The following VPS13C variants were observed in gnomAD, a reference collection of about 807,000 sequenced individuals.
VPS13C encodes the protein intermembrane lipid transfer protein VPS13C.
Under a neutral mutation model 456.8 loss-of-function variants are expected in VPS13C, and 358 were observed. The ratio of observed to expected loss-of-function variants is 0.78; its 90% CI spans 0.72 to 0.86. VPS13C has a LOEUF of 0.86. VPS13C is among the 40% of genes least tolerant of loss of function. VPS13C has a pLI of 0.00. For missense variants in VPS13C, 4,818 were observed against 4,385.4 expected (o/e 1.10, Z -2.79); for synonymous variants, 1,578 against 1,486.7 (o/e 1.06, Z -1.41).
At chr15:61,921,898 G>C in intron 55 of VPS13C, 49 bp downstream of exon 55, 1 of 1,553,094 alleles carries the variant, frequency 6.4e-7, no homozygotes. Flanking sequence ...AACTATGAAT[G>C]AATATGCATA....
intron 67 of VPS13C, among the ~76,000 whole-genome samples, chr15:61,887,579 T>C (rs1896360908): frequency 6.6e-6 from 1 of 152,134 alleles, no homozygotes; most frequent in African/African-American, 2.4e-5. Flanking sequence ...TAGTCCCAGA[T>C]ACTCAGGAGG....
chr15:61,936,403 CCAA>C (rs1346229848), intron 48 of VPS13C, among the ~76,000 whole-genome samples, 191 bp downstream of exon 48: 2 of 152,160 alleles, frequency 1.3e-5, no homozygotes, highest in East Asian at 1.9e-4. Context: ...AAGCACCATG[CCAA>C]CAACAAGTGA....
intron 19 of VPS13C, among the ~76,000 whole-genome samples, chr15:61,984,582 C>T (rs1206456283): frequency 6.6e-6 from 1 of 152,134 alleles, no homozygotes; most frequent in Non-Finnish European, 1.5e-5. Flanking sequence ...CAAAAACTTA[C>T]TGTACTTGTC....
At chr15:61,882,859 A>G (rs1403850933) in intron 68 of VPS13C, 123 bp from the exon 69 acceptor site, 5 of 981,556 alleles carry the variant, frequency 5.1e-6, no homozygotes, top group Non-Finnish European at 6.8e-6. Context: ...CAACAGATCT[A>G]TCTTAAGGTG....
rs188285557 is a variant in VPS13C at position 61,986,909 on chromosome 15, T to C, written c.1579-1910A>G. Among the ~76,000 whole-genome samples the C allele has an allele frequency of 2.4e-3, 359 of 151,728 alleles. 1 individual carries two copies. The highest frequency in any genetic ancestry group is 7.3e-3 in the African/African-American group (304 of 41,372). On this transcript the variant is annotated intron_variant, in intron 18 of 84. Transcript: ENST00000644861. ...GTATCCTTCAAGAAATAAGGAAAAATAGAGATATTTTCAGAAAGACAAAAA... is the reference window on the plus strand; with the variant it reads ...GTATCCTTCAAGAAATAAGGAAAAACAGAGATATTTTCAGAAAGACAAAAA...
chr15:61,940,349 C>T (rs2044377775), intron 47 of VPS13C, among the ~76,000 whole-genome samples: 1 of 152,068 alleles, frequency 6.6e-6, no homozygotes, highest in Non-Finnish European at 1.5e-5. Flanking sequence ...GCTGGTTTTA[C>T]CAAATATCTA....
At chr15:61,946,585 T>G (rs8028217) in intron 43 of VPS13C, among the ~76,000 whole-genome samples, 175 bp from the exon 44 acceptor site, 1 of 151,230 alleles carries the variant, frequency 6.6e-6, no homozygotes, top group South Asian at 2.1e-4. Context: ...TAATAATACC[T>G]TTAAATAATA....
intron 9 of VPS13C, among the ~76,000 whole-genome samples, chr15:62,016,105 G>T (rs1437289134): frequency 6.6e-6 from 1 of 151,022 alleles, no homozygotes; most frequent in Non-Finnish European, 1.5e-5. Flanking sequence ...ACATTGTGAA[G>T]CCTTCCACAT....
At chr15:61,880,975 T>A (rs1228865608) in intron 71 of VPS13C, 21 bp from the exon 72 acceptor site, 5 of 1,545,174 alleles carry the variant, frequency 3.2e-6, no homozygotes, top group Admixed American at 2.1e-5. Context: ...AAATTTAAAA[T>A]GGAAAAGGAT....
chr15:61,859,474 C>G (rs1894106490), intron 82 of VPS13C, among the ~76,000 whole-genome samples: 1 of 152,170 alleles, frequency 6.6e-6, no homozygotes, highest in South Asian at 2.1e-4. Context: ...TATGACTGAT[C>G]TCCCAACACT....
intron 58 of VPS13C, among the ~76,000 whole-genome samples, chr15:61,918,729 T>A (rs1020880082): frequency 6.6e-6 from 1 of 152,084 alleles, no homozygotes; most frequent in African/African-American, 2.4e-5. Context: ...TTTTCATTTG[T>A]ATCTGATGTT....
chr15:61,905,668 C>G (rs996291275), intron 66 of VPS13C, among the ~76,000 whole-genome samples: 1 of 151,976 alleles, frequency 6.6e-6, no homozygotes, highest in Non-Finnish European at 1.5e-5. Flanking sequence ...TCTTAGGTTT[C>G]TTTCTTTTAC....
chr15:61,970,470 A>G lies in VPS13C; in HGVS notation c.2758-1018T>C, dbSNP rs887563603. Among the ~76,000 whole-genome samples the G allele has an allele frequency of 3.1e-4, 47 of 152,354 alleles. 1 individual carries two copies. Among genetic ancestry groups the G allele is most frequent in the Admixed American group, 2.8e-3 (43 of 15,306 alleles). ...AAAAATATTATTATTAGCAGATGTT[A>G]TAATTACATACTTAGGTAACACTTT... is the stretch of plus-strand genomic sequence containing the variant. On this transcript the variant is annotated intron_variant, in intron 27 of 84. Transcript: ENST00000644861.
intron 3 of VPS13C, among the ~76,000 whole-genome samples, chr15:62,037,304 A>AT (rs1567136883): frequency 5.1e-5 from 4 of 78,936 alleles, no homozygotes; most frequent in African/African-American, 1.6e-4. Context: ...TATATAATAT[A>AT]TATATAAATA....
chr15:61,868,913 TA>T, intron 80 of VPS13C, 140 bp from the exon 81 acceptor site: 2 of 694,882 alleles, frequency 2.9e-6, no homozygotes, highest in South Asian at 4.1e-5. Context: ...GCAAAAGTAT[TA>T]AAACCAAGTC....
At position 61,918,202 on chromosome 15, in the gene VPS13C, T is replaced by A. The variant is rs373058623; in HGVS notation, c.7694A>T (p.Lys2565Met). The change falls in exon 59 of 85, where the codon AAG (lysine) becomes ATG (methionine). Residue 2565 changes from lysine to methionine, a missense_variant. Coordinates refer to ENST00000644861, the MANE Select transcript of VPS13C (RefSeq NM_020821.3). ...GGCTATCCCAATGCGCTCCAATAGC[T>A]TAACATTCTTAACAAATTTATAGAT... ...FIIYKFVKNVKLLERIGIARP... is the reference protein window; with the variant it reads ...FIIYKFVKNVMLLERIGIARP... 6.3e-6 allele frequency: 10 copies of A among 1,596,432 alleles called. No individual in the cohort carries two copies. The African/African-American group carries it at 9.5e-5, about 15-fold the overall frequency.
chr15:62,007,198 A>C (rs2046880451), intron 15 of VPS13C, 110 bp downstream of exon 15: 1 of 885,596 alleles, frequency 1.1e-6, no homozygotes, highest in Non-Finnish European at 1.5e-6. Flanking sequence ...TCTCAAAAAG[A>C]GGTGAATTCT....
chr15:61,938,484 T>C (rs938990243), intron 47 of VPS13C, among the ~76,000 whole-genome samples: 1 of 152,124 alleles, frequency 6.6e-6, no homozygotes, highest in Non-Finnish European at 1.5e-5. Flanking sequence ...ATACAGACTA[T>C]GACCAAAGGG....
At chr15:62,006,067 T>C (rs189414039) in intron 15 of VPS13C, among the ~76,000 whole-genome samples, 17 of 148,570 alleles carry the variant, frequency 1.1e-4, no homozygotes, top group African/African-American at 4.2e-4. Context: ...AAAAGCTGTT[T>C]TTTTGTTTTT....
Sources: allele counts gnomAD v4.1 joint callset (sites outside exome capture counted in the v4.1 genomes callset), GRCh38; gene constraint gnomAD v4.1.1; transcripts MANE v1.5; gene names NCBI Gene and HGNC (gene_info 2026-07-23, HGNC 2026-07-21).